The following TAFA5 variants were observed in gnomAD, a reference collection of about 807,000 sequenced individuals.
TAFA5 encodes the protein chemokine-like protein TAFA-5.
Under a neutral mutation model 15.3 loss-of-function variants are expected in TAFA5, and 6 were observed. The ratio of observed to expected loss-of-function variants is 0.39; its 90% CI spans 0.21 to 0.77. The LOEUF (loss-of-function observed/expected upper bound fraction) is 0.77. TAFA5 is among the 30% of genes least tolerant of loss of function. The pLI is 0.41. For missense variants in TAFA5, 161 were observed against 193.1 expected (o/e 0.83, Z 0.98); for synonymous variants, 103 against 80.7 (o/e 1.28, Z -1.48).
intron 1 of TAFA5, among the ~76,000 whole-genome samples, chr22:48,575,325 C>T (rs1006895034): frequency 6.6e-6 from 1 of 151,234 alleles, no homozygotes; most frequent in Non-Finnish European, 1.5e-5. Flanking sequence ...CGCTGCAGGG[C>T]GGGGTCCCCG....
chr22:48,745,609 G>A (rs1018592491), intron 3 of TAFA5, among the ~76,000 whole-genome samples: 8 of 152,228 alleles, frequency 5.3e-5, no homozygotes, highest in East Asian at 3.8e-4. Flanking sequence ...GTATTTTGGC[G>A]TTACAGGAGT....
intron 2 of TAFA5, among the ~76,000 whole-genome samples, chr22:48,686,001 G>T: frequency 6.7e-6 from 1 of 149,078 alleles, no homozygotes; most frequent in East Asian, 2.0e-4. Flanking sequence ...GGGAGTACAC[G>T]CAGGCCCCAC....
intron 1 of TAFA5, among the ~76,000 whole-genome samples, chr22:48,584,812 C>T (rs1924274015): frequency 6.6e-6 from 1 of 150,562 alleles, no homozygotes; most frequent in African/African-American, 2.5e-5. Flanking sequence ...CAAAATACAG[C>T]ACACACGCAT....
At chr22:48,744,414 C>T (rs1030300883) in intron 3 of TAFA5, among the ~76,000 whole-genome samples, 5 of 152,184 alleles carry the variant, frequency 3.3e-5, no homozygotes, top group Non-Finnish European at 5.9e-5. Flanking sequence ...AAGGCTGGAG[C>T]GGTGTGGCGA....
chr22:48,707,719 A>G lies in TAFA5; in HGVS notation c.265A>G (p.Arg89Gly), dbSNP rs772597303. The G allele has an allele frequency of 4.3e-6, 7 of 1,613,704 alleles. No individual in the cohort carries two copies. The Admixed American group carries it at 1.2e-4, about 27-fold the overall frequency. ...TRARPACVDA[R>G]IIKTKQWCDM... is the part of the protein sequence containing the mutation. Reference sequence around the variant, plus strand: ...TGCCTCTCTCTTTTCTCCCACAGCAAGAATCATCAAGACCAAGCAGTGGTG... The same window carrying G: ...TGCCTCTCTCTTTTCTCCCACAGCAGGAATCATCAAGACCAAGCAGTGGTG... Residue 89 changes from arginine (R) to glycine (G), a missense_variant and splice_region_variant, in exon 3 of 4, where the codon AGA (arginine) becomes GGA (glycine). Coordinates refer to ENST00000402357, the MANE Select transcript of TAFA5 (RefSeq NM_001082967.3).
chr22:48,539,501 A>C (rs1358254997), intron 1 of TAFA5: 1 of 470,818 alleles, frequency 2.1e-6, no homozygotes, highest in African/African-American at 2.0e-5. Flanking sequence ...AGACGGAGTT[A>C]CATTTAGACG....
chr22:48,733,316 C>T (rs1290795632), intron 3 of TAFA5, among the ~76,000 whole-genome samples: 2 of 152,200 alleles, frequency 1.3e-5, no homozygotes, highest in Admixed American at 6.5e-5. Flanking sequence ...GGCAGGCCCA[C>T]CCAGGGCCCA....
chr22:48,725,590 A>T (rs1929691521), intron 3 of TAFA5, among the ~76,000 whole-genome samples: 1 of 152,178 alleles, frequency 6.6e-6, no homozygotes, highest in Admixed American at 6.5e-5. Flanking sequence ...GAAATAGAAG[A>T]TGGATACGGA....
chr22:48,611,585 C>T (rs1925412748), intron 1 of TAFA5, among the ~76,000 whole-genome samples: 1 of 152,274 alleles, frequency 6.6e-6, no homozygotes, highest in Admixed American at 6.5e-5. Flanking sequence ...TGTTTACCCT[C>T]CGTGTCCTGC....
At chr22:48,677,946 A>G (rs1928027326) in intron 2 of TAFA5, among the ~76,000 whole-genome samples, 1 of 151,524 alleles carries the variant, frequency 6.6e-6, no homozygotes, top group Non-Finnish European at 1.5e-5. Context: ...CAGACCTTCC[A>G]GTCCCCCAGG....
intron 3 of TAFA5, among the ~76,000 whole-genome samples, chr22:48,748,083 G>A (rs77474122): frequency 5.1e-4 from 77 of 152,262 alleles, no homozygotes; most frequent in African/African-American, 1.7e-3. Flanking sequence ...AGCTGAACAC[G>A]CGCTCCACAG....
chr22:48,735,651 C>T (rs1470502306), intron 3 of TAFA5, among the ~76,000 whole-genome samples: 2 of 152,204 alleles, frequency 1.3e-5, no homozygotes, highest in Admixed American at 6.5e-5. Flanking sequence ...AATTTGTACT[C>T]ATGATGCTTT....
intron 3 of TAFA5, among the ~76,000 whole-genome samples, chr22:48,724,564 C>T (rs1435543289): frequency 2.0e-5 from 3 of 152,228 alleles, no homozygotes; most frequent in Non-Finnish European, 2.9e-5. Flanking sequence ...TTTACATATG[C>T]TTTGGAAATA....
intron 1 of TAFA5, among the ~76,000 whole-genome samples, chr22:48,506,305 G>A (rs5768690): frequency 0.33 from 50,071 of 152,106 alleles, 9,706 homozygotes; most frequent in African/African-American, 0.53. Context: ...TTTCCCAGCC[G>A]GGAACATGGG....
At chr22:48,649,915 C>A (rs1396317651) in intron 2 of TAFA5, among the ~76,000 whole-genome samples, 2 of 152,140 alleles carry the variant, frequency 1.3e-5, no homozygotes, top group Non-Finnish European at 2.9e-5. Flanking sequence ...AAACCACATT[C>A]ACTTTCCTCT....
chr22:48,584,640 A>G lies in TAFA5; in HGVS notation c.113-61957A>G, dbSNP rs544500067. Among the ~76,000 whole-genome samples the G allele has an allele frequency of 1.1e-4, 16 of 149,638 alleles. 1 individual carries two copies. In the South Asian group the frequency reaches 3.2e-3, roughly 30 times the overall value. ...TGCACACACACCACTCACAAAATACATCACACATGCACCACACACACAGCA... is the reference window on the plus strand; with the variant it reads ...TGCACACACACCACTCACAAAATACGTCACACATGCACCACACACACAGCA... On this transcript the variant is annotated intron_variant, in intron 1 of 3. Coordinates refer to ENST00000402357, the MANE Select transcript of TAFA5 (RefSeq NM_001082967.3).
At chr22:48,711,184 T>A (rs929580654) in intron 3 of TAFA5, among the ~76,000 whole-genome samples, 1 of 152,106 alleles carries the variant, frequency 6.6e-6, no homozygotes, top group African/African-American at 2.4e-5. Context: ...GCTGTCCACT[T>A]CCAGGCTAGT....
intron 1 of TAFA5, among the ~76,000 whole-genome samples, chr22:48,629,697 G>T (rs1299542379): frequency 6.6e-6 from 1 of 152,180 alleles, no homozygotes; most frequent in Non-Finnish European, 1.5e-5. Context: ...GGGATGCATG[G>T]GACAGTCCCC....
intron 1 of TAFA5, among the ~76,000 whole-genome samples, chr22:48,634,456 C>T (rs888279767): frequency 6.6e-6 from 1 of 150,940 alleles, no homozygotes; most frequent in African/African-American, 2.5e-5. Context: ...CATTTAGTCA[C>T]TCACTCATTC....
Sources: gnomAD v4.1 joint callset for allele counts (sites outside exome capture counted in the v4.1 genomes callset) on GRCh38, gnomAD v4.1.1 for gene constraint, MANE v1.5 for transcripts, NCBI Gene and HGNC (gene_info 2026-07-23, HGNC 2026-07-21) for gene names.